The following CADM1 variants were observed in gnomAD, a reference collection of about 807,000 sequenced individuals.
CADM1 encodes cell adhesion molecule 1.
Under a neutral mutation model 53.1 loss-of-function variants are expected in CADM1, and 15 were observed. The ratio of observed to expected loss-of-function variants is 0.28; its 90% confidence interval spans 0.19 to 0.44. The LOEUF (loss-of-function observed/expected upper bound fraction) is 0.44. Among genes scored for constraint, CADM1 ranks in the 20% least tolerant of loss-of-function variants. The probability of loss-of-function intolerance (pLI) is 1.00; values close to 1 mark genes in which losing one functional copy is unlikely to be tolerated. For synonymous variants in CADM1, 281 were observed against 243.0 expected (o/e 1.16, Z -1.45); for missense variants, 434 against 611.3 (o/e 0.71, Z 3.06).
At chr11:115,256,016 G>A (rs1040255214) in intron 1 of CADM1, among the ~76,000 whole-genome samples, 1 of 152,210 alleles carries the variant, frequency 6.6e-6, no homozygotes, top group African/African-American at 2.4e-5. Flanking sequence ...CACCCTAGCT[G>A]AATTTTTGCT....
At position 115,188,520 on chromosome 11, in the gene CADM1, G is replaced by A. The variant is rs544177137; in HGVS notation, c.1165+2368C>T. Among the ~76,000 whole-genome samples the A allele has an allele frequency of 1.4e-4, 22 of 152,216 alleles. No homozygotes were observed. The South Asian group carries it at 3.3e-3, about 23-fold the overall frequency. On this transcript the variant is annotated intron_variant, in intron 10 of 11. Transcript: ENST00000331581. ...GTAGCACTGGTGCGTGGGGGAGGTC[G>A]GGGCAAAGGGGACAAAAGGAAAATA...
chr11:115,175,427 G>T lies in CADM1; in HGVS notation c.*1047C>A. ...CCATTCAGTCATTCGCACAACAGAC[G>T]AACTTGCTTTTTCCTACAAATTAGT... On this transcript the variant is annotated 3_prime_UTR_variant, in exon 12 of 12. Coordinates refer to ENST00000331581, the MANE Select transcript of CADM1 (RefSeq NM_001301043.2). 1.0e-6 allele frequency: 1 copy of T among 984,794 alleles called. No individual in the cohort carries two copies. The highest frequency in any genetic ancestry group is 1.2e-6 in the Non-Finnish European group (1 of 829,826). The allele number at this position is 984,794 out of a possible 1,614,324, so 61.0% of individuals were successfully genotyped here.
At chr11:115,386,287 G>C (rs1946696620) in intron 1 of CADM1, among the ~76,000 whole-genome samples, 1 of 152,212 alleles carries the variant, frequency 6.6e-6, no homozygotes, top group Non-Finnish European at 1.5e-5. Context: ...ACAACCCTAA[G>C]TGGGAGGAAC....
intron 1 of CADM1, among the ~76,000 whole-genome samples, chr11:115,275,943 T>A (rs1943432584): frequency 6.6e-6 from 1 of 152,218 alleles, no homozygotes; most frequent in Non-Finnish European, 1.5e-5. Flanking sequence ...CACAAAAATG[T>A]GTCTATTCCA....
chr11:115,321,356 C>T (rs1172406616), intron 1 of CADM1, among the ~76,000 whole-genome samples: 4 of 152,082 alleles, frequency 2.6e-5, no homozygotes, highest in African/African-American at 9.7e-5. Context: ...GTGCACAGTA[C>T]TTGGGGAAAA....
chr11:115,308,284 C>T (rs567040634), intron 1 of CADM1, among the ~76,000 whole-genome samples: 101 of 151,060 alleles, frequency 6.7e-4, no homozygotes, highest in African/African-American at 2.4e-3. Context: ...TTTCAGTACT[C>T]TGGAGCAAAA....
chr11:115,455,880 T>C (rs1290522052), intron 1 of CADM1, among the ~76,000 whole-genome samples: 1 of 152,170 alleles, frequency 6.6e-6, no homozygotes, highest in Non-Finnish European at 1.5e-5. Context: ...TATTTGGAAA[T>C]GCCAATAACT....
rs146005912 is a variant in CADM1 at position 115,489,769 on chromosome 11, G to A, written c.124+14502C>T. ...AGCCCTTAGGGAAGTACAGAAGAAG[G>A]GTTCAAAGAAAAGATACCTAACCAG... On this transcript the variant is annotated intron_variant, in intron 1 of 11. Transcript: ENST00000331581. Among the ~76,000 whole-genome samples the A allele has an allele frequency of 2.2e-3, 334 of 152,290 alleles. 1 individual carries two copies. Among genetic ancestry groups the A allele is most frequent in the African/African-American group, 7.7e-3 (322 of 41,556 alleles).
At chr11:115,184,021 A>T (rs973258900) in intron 10 of CADM1, among the ~76,000 whole-genome samples, 2 of 152,194 alleles carry the variant, frequency 1.3e-5, no homozygotes, top group African/African-American at 4.8e-5. Context: ...GTTTAATTAC[A>T]AACTCTCAGA....
intron 1 of CADM1, among the ~76,000 whole-genome samples, chr11:115,396,026 T>C (rs1460474467): frequency 6.6e-6 from 1 of 152,204 alleles, no homozygotes; most frequent in Non-Finnish European, 1.5e-5. Flanking sequence ...TAGAAATCTC[T>C]CATCCCTAGG....
chr11:115,497,403 G>A (rs1456684912), intron 1 of CADM1, among the ~76,000 whole-genome samples: 1 of 152,132 alleles, frequency 6.6e-6, no homozygotes, highest in Non-Finnish European at 1.5e-5. Context: ...TCAGTGCTGG[G>A]TTTTTCTCAA....
chr11:115,398,500 T>C (rs1947059426), intron 1 of CADM1, among the ~76,000 whole-genome samples: 1 of 152,166 alleles, frequency 6.6e-6, no homozygotes, highest in African/African-American at 2.4e-5. Flanking sequence ...CCAAACCAAA[T>C]TGTATATACT....
chr11:115,278,387 A>G (rs139895570), intron 1 of CADM1, among the ~76,000 whole-genome samples: 58 of 152,324 alleles, frequency 3.8e-4, no homozygotes, highest in Non-Finnish European at 2.9e-4. Context: ...TAGGATAGAT[A>G]AGAAAGGTCT....
At chr11:115,398,260 T>A (rs1386351385) in intron 1 of CADM1, among the ~76,000 whole-genome samples, 2 of 152,214 alleles carry the variant, frequency 1.3e-5, no homozygotes, top group African/African-American at 4.8e-5. Context: ...TAAAATAATT[T>A]AAAATGATTC....
intron 1 of CADM1, among the ~76,000 whole-genome samples, chr11:115,471,059 G>A (rs970455318): frequency 2.0e-5 from 3 of 152,156 alleles, no homozygotes; most frequent in African/African-American, 7.2e-5. Flanking sequence ...CTAAGACATA[G>A]CCAAAAGCTG....
intron 1 of CADM1, among the ~76,000 whole-genome samples, chr11:115,329,237 G>A (rs1316904922): frequency 2.0e-5 from 3 of 152,030 alleles, no homozygotes; most frequent in African/African-American, 7.3e-5. Flanking sequence ...AATGTAGTGT[G>A]GTATATCAGT....
At chr11:115,433,838 C>G (rs924838393) in intron 1 of CADM1, among the ~76,000 whole-genome samples, 3 of 152,102 alleles carry the variant, frequency 2.0e-5, no homozygotes, top group African/African-American at 7.2e-5. Flanking sequence ...TTTAGGATGC[C>G]TTTTATGTTG....
In CADM1 at chr11:115,338,877, ATTT is replaced by A. The variant is rs56300408; in HGVS notation, c.125-98460_125-98458del. Among the ~76,000 whole-genome samples the A allele has an allele frequency of 1.8e-4, 23 of 127,744 alleles. 1 individual carries two copies. The highest frequency in any genetic ancestry group is 3.2e-4 in the Admixed American group (4 of 12,402). 83.8% of individuals were successfully genotyped at this position (127,744 alleles called of 152,430 possible). A position where few individuals can be genotyped will look rare whatever the true frequency, so the allele number is the denominator to read the frequency against. On this transcript the variant is annotated intron_variant, in intron 1 of 11. Transcript: ENST00000331581. ...TGTTCCACCTTCTTTTATTTTTTTT[ATTT>A]TTTTTTTTTTAATTTTTTTTTTTTT...
intron 1 of CADM1, among the ~76,000 whole-genome samples, chr11:115,461,729 T>G (rs544750840): frequency 6.6e-6 from 1 of 152,304 alleles, no homozygotes; most frequent in Non-Finnish European, 1.5e-5. Context: ...TTTGGGGTTT[T>G]GTATTTTGAG....
Sources: allele counts gnomAD v4.1 joint callset (sites outside exome capture counted in the v4.1 genomes callset), GRCh38; gene constraint gnomAD v4.1.1; transcripts MANE v1.5; gene names NCBI Gene and HGNC (gene_info 2026-07-23, HGNC 2026-07-21).